Variants in NSD2 observed in about 807,000 individuals in gnomAD.
The protein encoded by NSD2 is histone-lysine N-methyltransferase NSD2.
NSD2 carries 12 observed loss-of-function variants against 139.0 expected under a neutral mutation model. That is an observed-to-expected ratio of 0.09 (90% CI 0.06 to 0.14). The LOEUF (loss-of-function observed/expected upper bound fraction) is 0.14, where lower values mean the gene tolerates loss of function less well. Ranked by LOEUF, NSD2 falls within the 10% of genes least tolerant of loss-of-function variation. NSD2 has a pLI of 1.00. For synonymous variants in NSD2, 669 were observed against 648.7 expected (o/e 1.03, Z -0.48); for missense variants, 1,155 against 1,745.0 (o/e 0.66, Z 6.02).
intron 1 of NSD2, among the ~76,000 whole-genome samples, chr4:1,882,376 A>G (rs889176715): frequency 6.6e-6 from 1 of 152,198 alleles, no homozygotes; most frequent in African/African-American, 2.4e-5. Context: ...CAAGAAAGAA[A>G]ACTTTGGGCT....
At chr4:1,910,068 C>G (rs1040702650) in intron 3 of NSD2, among the ~76,000 whole-genome samples, 1 of 152,148 alleles carries the variant, frequency 6.6e-6, no homozygotes, top group Non-Finnish European at 1.5e-5. Context: ...GAACATAACT[C>G]ATAAGCTACA....
chr4:1,947,430 CCTCTGTTCTCAGAGA>C, intron 9 of NSD2: 1 of 1,059,446 alleles, frequency 9.4e-7, no homozygotes, highest in Non-Finnish European at 1.1e-6. Flanking sequence ...GTGGAGACTT[CCTCTGTTCTCAGAGA>C]CTCACCCCCA....
intron 1 of NSD2, among the ~76,000 whole-genome samples, chr4:1,885,738 T>C (rs1431790586): frequency 3.3e-5 from 5 of 152,014 alleles, no homozygotes; most frequent in Non-Finnish European, 5.9e-5. Flanking sequence ...CTGCTCCTCT[T>C]TGTTACCACC....
In NSD2 at chr4:1,885,146, A is replaced by C. The variant is rs114753785; in HGVS notation, c.-30+13604A>C. 6.0e-3 allele frequency among the ~76,000 whole-genome samples: 916 copies of C among 152,270 alleles called. 4 individuals carry two copies. The highest frequency in any genetic ancestry group is 0.014 in the South Asian group (67 of 4,818). ...AATAAAAATAAAAAAAATAAAATTCAACTGCCTGTAACTCCTTTGAAACAA... is the reference window on the plus strand; with the variant it reads ...AATAAAAATAAAAAAAATAAAATTCCACTGCCTGTAACTCCTTTGAAACAA... On this transcript the variant is annotated intron_variant, in intron 1 of 21. Transcript: ENST00000508803.
chr4:1,940,119 C>A, intron 9 of NSD2: 3 of 1,157,954 alleles, frequency 2.6e-6, no homozygotes, highest in Non-Finnish European at 2.1e-6. Flanking sequence ...GGAAGTAAGT[C>A]TGCGTTGGTT....
chr4:1,978,531 ATT>A, intron 21 of NSD2, 105 bp from the exon 22 acceptor site: 5 of 1,471,364 alleles, frequency 3.4e-6, no homozygotes, highest in Non-Finnish European at 4.6e-6. Flanking sequence ...AGCCAGCACT[ATT>A]TTGTGTTCAT....
chr4:1,874,627 A>C (rs1367277918), intron 1 of NSD2, among the ~76,000 whole-genome samples: 1 of 152,206 alleles, frequency 6.6e-6, no homozygotes, highest in Admixed American at 6.5e-5. Context: ...AGCTGAGTCT[A>C]GAAAGGAAAT....
intron 1 of NSD2, among the ~76,000 whole-genome samples, chr4:1,892,590 G>T (rs769919064): frequency 2.6e-5 from 4 of 151,696 alleles, no homozygotes; most frequent in Non-Finnish European, 4.4e-5. Context: ...TTTTGAGACG[G>T]AGTCTTGCCC....
chr4:1,896,957 G>C (rs1488336499), intron 1 of NSD2, among the ~76,000 whole-genome samples: 1 of 152,058 alleles, frequency 6.6e-6, no homozygotes, highest in African/African-American at 2.4e-5. Context: ...GATCGCTTGA[G>C]CCCAGGAGTT....
At chr4:1,909,056 T>C (rs1364405368) in intron 3 of NSD2, among the ~76,000 whole-genome samples, 5 of 151,998 alleles carry the variant, frequency 3.3e-5, no homozygotes, top group Admixed American at 2.6e-4. Context: ...TCTATGAAAA[T>C]GAGCTCCTCC....
At chr4:1,943,445 C>T in intron 9 of NSD2, 5 of 1,044,274 alleles carry the variant, frequency 4.8e-6, no homozygotes, top group Non-Finnish European at 5.8e-6. Context: ...TGCCATCATT[C>T]TATTTTTATC....
rs759869545 is a variant in NSD2 at position 1,952,149 on chromosome 4, C to G, written c.2055C>G (p.Pro685=). Residue 685 remains proline, a synonymous_variant, in exon 11 of 22, where the codon CCC becomes CCG. Coordinates refer to ENST00000508803, the MANE Select transcript of NSD2 (RefSeq NM_001042424.3). ...GCAGCCTCCTGCTCTGTGAAGGACC[C>G]TGCTGCGGAGCTTTCCACCTCGCCT... ...KPGSLLLCEG[P]CCGAFHLACL... The G allele has an allele frequency of 8.1e-6, 13 of 1,614,036 alleles. No individual in the cohort carries two copies. The East Asian group carries it at 2.9e-4, about 36-fold the overall frequency.
intron 3 of NSD2, among the ~76,000 whole-genome samples, chr4:1,907,046 T>C (rs1189708806): frequency 6.6e-6 from 1 of 152,154 alleles, no homozygotes; most frequent in Non-Finnish European, 1.5e-5. Flanking sequence ...GTTGTGTTAC[T>C]CTCTGCGGTT....
Position 1,900,962 on chromosome 4 carries a change from A to G in NSD2, c.308A>G (p.Gln103Arg), listed in dbSNP as rs974437164. The change falls in exon 2 of 22, where the codon CAG becomes CGG. Residue 103 changes from glutamine to arginine, a missense_variant. Coordinates refer to ENST00000508803, the MANE Select transcript of NSD2 (RefSeq NM_001042424.3). ...AHDAKLRFES[Q>R]EMKGIGTPPN... ...GATGCCAAACTGCGTTTTGAGTCCC[A>G]GGAAATGAAAGGGATTGGGACACCC... 1.4e-5 allele frequency: 22 copies of G among 1,614,092 alleles called. No individual in the cohort carries two copies. Among genetic ancestry groups the G allele is most frequent in the Admixed American group, 3.3e-5 (2 of 60,006 alleles).
rs763092641 is a variant in NSD2 at position 1,974,796 on chromosome 4, G to GA, written c.3373-63dup. ...CTTGTTCAATGTGCTTTATGATGGTGAAAATTCCCTTTAAAAATAACATGC... is the reference window on the plus strand; with the variant it reads ...CTTGTTCAATGTGCTTTATGATGGTGAAAAATTCCCTTTAAAAATAACATGC... On this transcript the variant is annotated intron_variant, in intron 18 of 21. Transcript: ENST00000508803. The surrounding 1 kb of genome is among the most constrained non-coding windows in gnomAD (Gnocchi z 4.0). 1 of 1,605,766 alleles carries GA rather than the reference G, an allele frequency of 6.2e-7. No individual in the cohort carries two copies. Among genetic ancestry groups the GA allele is most frequent in the East Asian group, 2.2e-5 (1 of 44,770 alleles).
intron 9 of NSD2, 155 bp downstream of exon 9, chr4:1,939,933 A>G (rs1577498639): frequency 2.0e-6 from 3 of 1,495,706 alleles, no homozygotes; most frequent in Non-Finnish European, 2.7e-6. Context: ...ACTCAGATTC[A>G]TGAAATGGAC....
intron 4 of NSD2, among the ~76,000 whole-genome samples, 165 bp downstream of exon 4, chr4:1,917,202 A>G (rs1179842735): frequency 6.6e-6 from 1 of 152,212 alleles, no homozygotes; most frequent in Non-Finnish European, 1.5e-5. Flanking sequence ...ACAATATGAT[A>G]AAGTTCTTTT....
At chr4:1,903,186 A>C (rs1717413093) in intron 2 of NSD2, among the ~76,000 whole-genome samples, 1 of 152,148 alleles carries the variant, frequency 6.6e-6, no homozygotes, top group South Asian at 2.1e-4. Flanking sequence ...CAGGTGAGAA[A>C]ACTGAGGCCT....
Position 1,978,833 on chromosome 4 carries a change from C to A in NSD2, c.4022C>A (p.Pro1341His), listed in dbSNP as rs774265779. The change falls in exon 22 of 22, where the codon CCC becomes CAC. Residue 1341 changes from proline to histidine, a missense_variant. By Grantham distance (77) the Pro-to-His change is moderately conservative. Coordinates refer to ENST00000508803, the MANE Select transcript of NSD2 (RefSeq NM_001042424.3). Reference sequence around the variant, plus strand: ...GTCAGAAGCACCAAGACTGAGAAGCCCCCCCCAGAGCCAGGGAAGCCGAAG... The same window carrying A: ...GTCAGAAGCACCAAGACTGAGAAGCACCCCCCAGAGCCAGGGAAGCCGAAG... ...ASVRSTKTEK[P>H]PPEPGKPKGK... The A allele has an allele frequency of 1.6e-5, 25 of 1,605,126 alleles. No homozygotes were observed. In the South Asian group the frequency reaches 1.8e-4, roughly 11 times the overall value.
Sources: allele counts gnomAD v4.1 joint callset (sites outside exome capture counted in the v4.1 genomes callset), GRCh38; gene constraint gnomAD v4.1.1; non-coding constraint Gnocchi (gnomAD v3.1); transcripts MANE v1.5; gene names NCBI Gene and HGNC (gene_info 2026-07-23, HGNC 2026-07-21).